Variants in ACOXL observed in about 807,000 individuals in gnomAD.
ACOXL encodes the protein acyl-CoA oxidase like.
In ACOXL, 70 loss-of-function variants were observed where a neutral mutation model predicts 71.9. The ratio of observed to expected loss-of-function variants is 0.97; its 90% CI spans 0.80 to 1.19. The LOEUF is 1.19. Ranked by LOEUF, ACOXL falls within the 50% of genes most tolerant of loss-of-function variation. ACOXL has a pLI of 0.00. For missense variants in ACOXL, 703 were observed against 736.3 expected (o/e 0.95, Z 0.52); for synonymous variants, 253 against 281.6 (o/e 0.90, Z 1.02).
intron 1 of ACOXL, among the ~76,000 whole-genome samples, chr2:110,745,238 C>T (rs1187290095): frequency 2.6e-5 from 4 of 152,206 alleles, no homozygotes; most frequent in African/African-American, 9.7e-5. Flanking sequence ...AGGCCCTGTC[C>T]ACCTCGTGGC....
intron 12 of ACOXL, chr2:110,963,617 G>T: frequency 6.2e-7 from 1 of 1,612,312 alleles, no homozygotes; most frequent in Non-Finnish European, 8.5e-7. Context: ...TTCTCTTTCT[G>T]CAACAGGGTT....
chr2:111,065,577 G>A (rs114554839), intron 16 of ACOXL, among the ~76,000 whole-genome samples: 2,049 of 152,244 alleles, frequency 0.013, 23 homozygotes, highest in Non-Finnish European at 0.02. Context: ...AGTCTGAAAA[G>A]ACAAGCTACA....
At chr2:110,914,903 A>G (rs2059781927) in intron 11 of ACOXL, among the ~76,000 whole-genome samples, 1 of 152,204 alleles carries the variant, frequency 6.6e-6, no homozygotes, top group African/African-American at 2.4e-5. Flanking sequence ...TTTAAGGGGT[A>G]CGTGAGATGT....
chr2:110,865,447 T>C (rs1694470320), intron 10 of ACOXL, among the ~76,000 whole-genome samples: 1 of 152,228 alleles, frequency 6.6e-6, no homozygotes, highest in Non-Finnish European at 1.5e-5. Context: ...AAACTATGCA[T>C]GGGTCTCAAT....
chr2:110,906,827 T>A (rs900937731), intron 10 of ACOXL, among the ~76,000 whole-genome samples: 12 of 152,136 alleles, frequency 7.9e-5, no homozygotes, highest in African/African-American at 2.9e-4. Flanking sequence ...ACCTGGTAAA[T>A]GTCCAGTGCC....
chr2:111,046,916 A>G (rs1481572562), intron 15 of ACOXL, among the ~76,000 whole-genome samples: 2 of 152,210 alleles, frequency 1.3e-5, no homozygotes, highest in African/African-American at 4.8e-5. Flanking sequence ...GGCCATAGGC[A>G]TAGGGCTCCA....
intron 2 of ACOXL, among the ~76,000 whole-genome samples, chr2:110,770,898 G>A (rs898803621): frequency 1.3e-5 from 2 of 152,206 alleles, no homozygotes; most frequent in Non-Finnish European, 2.9e-5. Context: ...ATTGCAGCCC[G>A]ACCCGCTGAG....
At chr2:111,093,037 T>G (rs1418048073) in intron 17 of ACOXL, 71 bp downstream of exon 17, 1 of 1,240,458 alleles carries the variant, frequency 8.1e-7, no homozygotes, top group Non-Finnish European at 1.2e-6. Flanking sequence ...TAGAAAACAG[T>G]CCTGCCAATC....
intron 12 of ACOXL, among the ~76,000 whole-genome samples, chr2:110,978,942 G>A (rs1183170707): frequency 2.6e-5 from 4 of 152,082 alleles, no homozygotes; most frequent in African/African-American, 7.2e-5. Context: ...AACACTGGAC[G>A]GTTTGTTGTT....
At chr2:111,011,634 G>A (rs937737673) in intron 14 of ACOXL, among the ~76,000 whole-genome samples, 4 of 152,158 alleles carry the variant, frequency 2.6e-5, no homozygotes, top group African/African-American at 9.7e-5. Flanking sequence ...TGTAGTTTCA[G>A]CACTTTGGGA....
intron 1 of ACOXL, among the ~76,000 whole-genome samples, chr2:110,748,356 G>C (rs937433100): frequency 6.6e-6 from 1 of 152,142 alleles, no homozygotes; most frequent in African/African-American, 2.4e-5. Flanking sequence ...AGGATGCAGG[G>C]GGGTGGATTG....
chr2:111,007,320 T>A (rs2063924528), intron 14 of ACOXL, among the ~76,000 whole-genome samples: 1 of 152,228 alleles, frequency 6.6e-6, no homozygotes, highest in Non-Finnish European at 1.5e-5. Context: ...TTGGAAACAA[T>A]TAATACTGTG....
At chr2:111,052,779 G>A (rs1481359544) in intron 16 of ACOXL, among the ~76,000 whole-genome samples, 1 of 152,102 alleles carries the variant, frequency 6.6e-6, no homozygotes, top group Admixed American at 6.5e-5. Context: ...ACTCGCCTGT[G>A]ACTCCAGGTG....
chr2:111,088,220 C>G (rs2068323541), intron 16 of ACOXL, among the ~76,000 whole-genome samples: 1 of 152,176 alleles, frequency 6.6e-6, no homozygotes. Context: ...TCAACCATTG[C>G]TGAAAGCAGT....
chr2:110,767,975 CACACAA>C (rs1299076942), intron 1 of ACOXL, among the ~76,000 whole-genome samples: 18 of 122,230 alleles, frequency 1.5e-4, no homozygotes, highest in African/African-American at 2.4e-4. Flanking sequence ...CACACACACA[CACACAA>C]ATTAGCTGGG....
At chr2:110,764,770 T>A (rs923611732) in intron 1 of ACOXL, among the ~76,000 whole-genome samples, 4 of 152,208 alleles carry the variant, frequency 2.6e-5, no homozygotes, top group African/African-American at 9.7e-5. Context: ...GGGAAATCTC[T>A]GTATCTTTTA....
At chr2:110,790,767 C>T (rs1457963342) in intron 3 of ACOXL, among the ~76,000 whole-genome samples, 1 of 152,120 alleles carries the variant, frequency 6.6e-6, no homozygotes, top group Non-Finnish European at 1.5e-5. Flanking sequence ...TGATGCCTAC[C>T]TCCCATTAGC....
intron 11 of ACOXL, among the ~76,000 whole-genome samples, chr2:110,911,551 A>G (rs2059650115): frequency 7.9e-5 from 12 of 152,122 alleles, no homozygotes; most frequent in Admixed American, 7.9e-4. Context: ...CAGGAATGCA[A>G]GGTTGGTTTA....
chr2:110,799,958 C>T lies in ACOXL; in HGVS notation c.547+858C>T, dbSNP rs556184373. 7.2e-5 allele frequency among the ~76,000 whole-genome samples: 11 copies of T among 152,310 alleles called. No homozygotes were observed. The East Asian group carries it at 2.1e-3, about 29-fold the overall frequency. On this transcript the variant is annotated intron_variant, in intron 7 of 17. Coordinates refer to ENST00000439055, the MANE Select transcript of ACOXL (RefSeq NM_001142807.4). ...GCACTAACCAGCGCCCTCTAAAATG[C>T]ACCAATCAGCAGGAGTCTAAAAGTA...
Sources: allele counts gnomAD v4.1 joint callset (sites outside exome capture counted in the v4.1 genomes callset), GRCh38; gene constraint gnomAD v4.1.1; transcripts MANE v1.5; gene names NCBI Gene and HGNC (gene_info 2026-07-23, HGNC 2026-07-21).